The following NUP214 variants were observed in gnomAD, a reference collection of about 807,000 sequenced individuals.
NUP214 encodes nuclear pore complex protein Nup214.
Under a neutral mutation model 196.2 loss-of-function variants are expected in NUP214, and 79 were observed. The observed-to-expected ratio is 0.40, with a 90% CI of 0.34 to 0.49. The LOEUF is 0.49. NUP214 is among the 20% of genes least tolerant of loss of function. NUP214 has a pLI of 0.58. For missense variants in NUP214, 2,468 were observed against 2,539.0 expected (o/e 0.97, Z 0.60); for synonymous variants, 1,020 against 990.5 (o/e 1.03, Z -0.56).
intron 31 of NUP214, among the ~76,000 whole-genome samples, chr9:131,216,643 C>T (rs1376972759): frequency 1.3e-5 from 2 of 151,518 alleles, no homozygotes; most frequent in Admixed American, 6.6e-5. Flanking sequence ...TCTCCCAGCT[C>T]AGCTTCCCGA....
rs576312974 is a variant in NUP214 at position 131,226,754 on chromosome 9, G to A, written c.5903-1406G>A. Among the ~76,000 whole-genome samples, 54 of 152,124 alleles carry A rather than the reference G, an allele frequency of 3.5e-4. 1 individual carries two copies. Among genetic ancestry groups the A allele is most frequent in the Non-Finnish European group, 5.6e-4 (38 of 68,044 alleles). ...GCCTTAGCAAAAAAGTATCTTCTCA[G>A]TTGTGCAGCCTACCACTGTTAATGG... On this transcript the variant is annotated intron_variant, in intron 32 of 35. Coordinates refer to ENST00000359428, the MANE Select transcript of NUP214 (RefSeq NM_005085.4).
intron 18 of NUP214, 115 bp from the exon 19 acceptor site, chr9:131,162,876 G>A: frequency 1.1e-6 from 1 of 942,346 alleles, no homozygotes; most frequent in Admixed American, 2.4e-5. Flanking sequence ...GTCCAGTGCT[G>A]GTTCTCCATT....
intron 30 of NUP214, among the ~76,000 whole-genome samples, chr9:131,202,998 T>C (rs1833980255): frequency 6.6e-6 from 1 of 151,880 alleles, no homozygotes; most frequent in Non-Finnish European, 1.5e-5. Context: ...CAGGCCGGAC[T>C]GCAGTGGTGC....
At chr9:131,206,052 T>C (rs1834069810) in intron 30 of NUP214, among the ~76,000 whole-genome samples, 1 of 151,882 alleles carries the variant, frequency 6.6e-6, no homozygotes, top group Admixed American at 6.6e-5. Flanking sequence ...GCAACATTGT[T>C]ATAATAGCTT....
At chr9:131,205,748 G>C (rs1462050375) in intron 30 of NUP214, among the ~76,000 whole-genome samples, 1 of 152,102 alleles carries the variant, frequency 6.6e-6, no homozygotes, top group Non-Finnish European at 1.5e-5. Context: ...AGGCTGGAGT[G>C]TGGTGGCATG....
rs780178105 is a variant in NUP214, at chr9:131,215,359, G to C, written c.5740G>C (p.Ala1914Pro). ...GGCCAGTGGGGGCTTTGGATCCACA[G>C]CTACCTCAAGTAAGTTGAGAAGACT... is the stretch of plus-strand genomic sequence containing the variant. Reference protein sequence around the residue: ...SSASGGFGSTATSNTSNLFGN... With the variant: ...SSASGGFGSTPTSNTSNLFGN... Residue 1914 changes from alanine to proline, a missense_variant, in exon 31 of 36, where the codon GCT becomes CCT. This residue lies in a region of NUP214 where 262 missense variants were observed against 296.5 expected (regional missense o/e 0.88). Coordinates refer to ENST00000359428, the MANE Select transcript of NUP214 (RefSeq NM_005085.4). The C allele has an allele frequency of 1.6e-5, 26 of 1,595,598 alleles. No homozygotes were observed. Among genetic ancestry groups the C allele is most frequent in the Non-Finnish European group, 2.0e-5 (24 of 1,171,592 alleles).
intron 9 of NUP214, among the ~76,000 whole-genome samples, chr9:131,138,074 CAT>C (rs1831791423): frequency 6.6e-6 from 1 of 152,174 alleles, no homozygotes; most frequent in Admixed American, 6.5e-5. Context: ...AGCTAAGTCA[CAT>C]AGTGTGATTT....
At chr9:131,216,059 C>CTGATA (rs1377204924) in intron 31 of NUP214, among the ~76,000 whole-genome samples, 1 of 151,670 alleles carries the variant, frequency 6.6e-6, no homozygotes, top group Admixed American at 6.6e-5. Flanking sequence ...CGTGCTATCA[C>CTGATA]GCCTGGCTGA....
Position 131,228,334 on chromosome 9 carries a change from A to G in NUP214, c.6074+3A>G, listed in dbSNP as rs1189880582. Reference sequence around the variant, plus strand: ...GCTGCCAGCGCAGGAGGATTCGGGTAAGCCCCCTGGGGAGGGCCCTTGGGA... The same window carrying G: ...GCTGCCAGCGCAGGAGGATTCGGGTGAGCCCCCTGGGGAGGGCCCTTGGGA... On this transcript the variant is annotated splice_donor_region_variant and intron_variant, in intron 33 of 35. Coordinates refer to ENST00000359428, the MANE Select transcript of NUP214 (RefSeq NM_005085.4). 7 of 1,584,504 alleles carry G rather than the reference A, an allele frequency of 4.4e-6. No individual in the cohort carries two copies. In the South Asian group the frequency reaches 6.9e-5, roughly 16 times the overall value.
rs147729879 is a variant in NUP214, at chr9:131,224,157, C to G, written c.5902+1227C>G. Among the ~76,000 whole-genome samples the G allele has an allele frequency of 1.9e-3, 294 of 152,230 alleles. 3 individuals carry two copies. Among genetic ancestry groups the G allele is most frequent in the African/African-American group, 6.8e-3 (281 of 41,554 alleles). On this transcript the variant is annotated intron_variant, in intron 32 of 35. Transcript: ENST00000359428. ...CCAAGGAAAAGGAACATTACTAGGA[C>G]TACTTTTTATCCCAGCATTACTATT...
intron 2 of NUP214, among the ~76,000 whole-genome samples, 184 bp downstream of exon 2, chr9:131,127,903 C>G (rs1831412316): frequency 6.6e-6 from 1 of 152,206 alleles, no homozygotes; most frequent in Non-Finnish European, 1.5e-5. Context: ...TTTCTCCTTA[C>G]ATGAGTTGTT....
intron 30 of NUP214, among the ~76,000 whole-genome samples, 153 bp downstream of exon 30, chr9:131,201,870 G>A (rs1833951155): frequency 6.6e-6 from 1 of 152,172 alleles, no homozygotes; most frequent in Admixed American, 6.5e-5. Context: ...TGCCTTGGAG[G>A]TGCAGAAGTC....
At chr9:131,230,849 C>A in intron 34 of NUP214, 80 bp downstream of exon 34, 1 of 1,473,804 alleles carries the variant, frequency 6.8e-7, no homozygotes, top group African/African-American at 1.4e-5. Context: ...GTATGTTTTA[C>A]CTGACCAGTC....
At position 131,221,149 on chromosome 9, in the gene NUP214, G is replaced by A. The variant is rs149364945; in HGVS notation, c.5750-1629G>A. ...ATCAGACGTAACTTTGGGCTAGCTC[G>A]ATAAGGGGAAGGTCAAACTGCTCAG... On this transcript the variant is annotated intron_variant, in intron 31 of 35. Transcript: ENST00000359428. Among the ~76,000 whole-genome samples the A allele has an allele frequency of 2.3e-3, 358 of 152,342 alleles. 4 individuals carry two copies. Among genetic ancestry groups the A allele is most frequent in the African/African-American group, 8.1e-3 (336 of 41,582 alleles).
At chr9:131,155,659 G>T (rs1300389593) in intron 17 of NUP214, among the ~76,000 whole-genome samples, 1 of 152,152 alleles carries the variant, frequency 6.6e-6, no homozygotes, top group African/African-American at 2.4e-5. Flanking sequence ...TTTTGTATAA[G>T]GTGAGAGATG....
At chr9:131,227,551 A>G (rs1404401013) in intron 32 of NUP214, among the ~76,000 whole-genome samples, 1 of 151,784 alleles carries the variant, frequency 6.6e-6, no homozygotes, top group African/African-American at 2.4e-5. Flanking sequence ...AGGAGCCATC[A>G]GGCTGTAAAT....
chr9:131,153,268 A>C (rs959921551), intron 17 of NUP214: 1 of 151,956 alleles, frequency 6.6e-6, no homozygotes, highest in Non-Finnish European at 1.5e-5. Flanking sequence ...GGTGTGATGA[A>C]TCATTCTTGC....
chr9:131,205,350 G>A lies in NUP214; in HGVS notation c.5592+3633G>A, dbSNP rs1390926637. 2.0e-5 allele frequency among the ~76,000 whole-genome samples: 3 copies of A among 152,168 alleles called. No homozygotes were observed. The East Asian group carries it at 5.8e-4, about 29-fold the overall frequency. ...TAAAAGGCTGACAGTACCAAGTATT[G>A]GTGAGGAAGAAGAGCAACTGGGAAC... On this transcript the variant is annotated intron_variant, in intron 30 of 35. Coordinates refer to ENST00000359428, the MANE Select transcript of NUP214 (RefSeq NM_005085.4).
intron 32 of NUP214, among the ~76,000 whole-genome samples, chr9:131,223,880 G>A (rs983680834): frequency 1.3e-3 from 201 of 150,136 alleles, no homozygotes; most frequent in Non-Finnish European, 2.4e-3. Context: ...GACTACAGGC[G>A]CCCGCCACCA....
Sources: allele counts gnomAD v4.1 joint callset (sites outside exome capture counted in the v4.1 genomes callset), GRCh38; gene constraint gnomAD v4.1.1; regional missense constraint gnomAD v4.1.1; transcripts MANE v1.5; gene names NCBI Gene and HGNC (gene_info 2026-07-23, HGNC 2026-07-21).